SUPT3H: variants seen among roughly 807,000 people sequenced by gnomAD.
SUPT3H encodes the protein transcription initiation protein SPT3 homolog.
Under a neutral mutation model 44.3 loss-of-function variants are expected in SUPT3H, and 44 were observed. The observed-to-expected ratio is 0.99, with a 90% CI of 0.78 to 1.28. SUPT3H has a LOEUF of 1.28. Ranked by LOEUF, SUPT3H falls within the 50% of genes most tolerant of loss-of-function variation. SUPT3H has a pLI of 0.00. For missense variants in SUPT3H, 380 were observed against 387.1 expected, an observed-to-expected ratio of 0.98 and a Z score of 0.15; for synonymous variants, 124 against 125.6, an observed-to-expected ratio of 0.99 and a Z score of 0.09.
intron 2 of SUPT3H, among the ~76,000 whole-genome samples, chr6:45,255,052 G>C (rs573562492): frequency 5.9e-5 from 9 of 152,132 alleles, no homozygotes; most frequent in Non-Finnish European, 1.3e-4. Flanking sequence ...CGGCCCCAAA[G>C]CATAAGAGTA....
intron 6 of SUPT3H, among the ~76,000 whole-genome samples, chr6:44,982,982 T>C (rs774927737): frequency 1.3e-5 from 2 of 152,184 alleles, no homozygotes; most frequent in Non-Finnish European, 2.9e-5. Context: ...GGGATTCACA[T>C]AGAGGCTAAA....
chr6:45,013,751 G>C (rs1362948694), intron 5 of SUPT3H, among the ~76,000 whole-genome samples: 2 of 152,068 alleles, frequency 1.3e-5, no homozygotes, highest in Non-Finnish European at 2.9e-5. Context: ...AGGGAGATGA[G>C]AGATGCCTAC....
chr6:45,020,017 A>G (rs1057343441), intron 4 of SUPT3H, among the ~76,000 whole-genome samples: 6 of 151,992 alleles, frequency 3.9e-5, no homozygotes, highest in African/African-American at 1.4e-4. Flanking sequence ...CAGATTTCAA[A>G]GAGTAAGAAA....
intron 2 of SUPT3H, among the ~76,000 whole-genome samples, chr6:45,269,155 A>C (rs1245467998): frequency 6.6e-6 from 1 of 152,188 alleles, no homozygotes; most frequent in Non-Finnish European, 1.5e-5. Context: ...TAACGGCAAA[A>C]CATGGTAACA....
At chr6:45,291,307 G>A (rs753416764) in intron 2 of SUPT3H, among the ~76,000 whole-genome samples, 2 of 152,124 alleles carry the variant, frequency 1.3e-5, no homozygotes, top group African/African-American at 4.8e-5. Flanking sequence ...AGCCTTTAGC[G>A]CTAGACCTTT....
At chr6:45,261,415 A>G (rs1417605589) in intron 2 of SUPT3H, among the ~76,000 whole-genome samples, 1 of 152,120 alleles carries the variant, frequency 6.6e-6, no homozygotes, top group Non-Finnish European at 1.5e-5. Context: ...AGGTTGGGTC[A>G]ACATACGCAA....
intron 2 of SUPT3H, among the ~76,000 whole-genome samples, chr6:45,142,489 C>T (rs981450300): frequency 6.6e-6 from 1 of 151,932 alleles, no homozygotes; most frequent in Non-Finnish European, 1.5e-5. Flanking sequence ...GTAATTCCAG[C>T]ACTTTGGGAG....
At chr6:45,008,652 GC>G (rs2153508702) in intron 5 of SUPT3H, among the ~76,000 whole-genome samples, 1 of 152,102 alleles carries the variant, frequency 6.6e-6, no homozygotes, top group East Asian at 1.9e-4. Flanking sequence ...ACCATACTCG[GC>G]CTTGTTTTTA....
chr6:45,094,930 C>T (rs1797603687), intron 3 of SUPT3H, among the ~76,000 whole-genome samples: 1 of 152,064 alleles, frequency 6.6e-6, no homozygotes, highest in Non-Finnish European at 1.5e-5. Flanking sequence ...ACTCTGTACG[C>T]ATATGTGACC....
At chr6:45,120,194 C>T (rs1801415102) in intron 2 of SUPT3H, among the ~76,000 whole-genome samples, 1 of 151,906 alleles carries the variant, frequency 6.6e-6, no homozygotes, top group Admixed American at 6.6e-5. Context: ...CAAAAACCCT[C>T]TAACTGCTCT....
In SUPT3H at chr6:45,143,584, C is replaced by T. The variant is rs143231226; in HGVS notation, c.102-37578G>A. On this transcript the variant is annotated intron_variant, in intron 2 of 10. Coordinates refer to ENST00000371459, the MANE Select transcript of SUPT3H (RefSeq NM_003599.4). ...GAGGAAAGTTCATAGTATTAAATGC[C>T]TACATCAAATAGTCTGAAAGAGCAC... Among the ~76,000 whole-genome samples, 1,380 of 152,098 alleles carry T rather than the reference C, an allele frequency of 9.1e-3. 14 individuals are homozygous for T. The highest frequency in any genetic ancestry group is 0.028 in the South Asian group (137 of 4,818).
intron 2 of SUPT3H, among the ~76,000 whole-genome samples, chr6:45,280,929 A>G (rs960013018): frequency 9.2e-5 from 14 of 152,242 alleles, no homozygotes; most frequent in African/African-American, 2.7e-4. Flanking sequence ...TGTAATGTCC[A>G]TAAAAAACAT....
At chr6:45,270,750 A>G (rs996561989) in intron 2 of SUPT3H, among the ~76,000 whole-genome samples, 1 of 152,256 alleles carries the variant, frequency 6.6e-6, no homozygotes, top group African/African-American at 2.4e-5. Flanking sequence ...TTTGGAACTG[A>G]GTAACAGGCA....
rs112853617 is a variant in SUPT3H at position 44,860,025 on chromosome 6, G to A, written c.913-30168C>T. The stretch of plus-strand genomic sequence containing the variant: ...ATGAAGGACTTCTATTATTCTGAGA[G>A]TCCTAAAAGAGTTTATATACCATGA... On this transcript the variant is annotated intron_variant, in intron 10 of 10. Transcript: ENST00000371459. 8.9e-3 allele frequency among the ~76,000 whole-genome samples: 1,358 copies of A among 152,264 alleles called. 13 individuals are homozygous for A. The highest frequency in any genetic ancestry group is 0.025 in the South Asian group (119 of 4,816).
chr6:45,079,137 G>A (rs1411900968), intron 3 of SUPT3H, among the ~76,000 whole-genome samples: 4 of 152,046 alleles, frequency 2.6e-5, no homozygotes, highest in East Asian at 1.9e-4. Context: ...GTGAAACCCC[G>A]TCTCTACAAC....
intron 2 of SUPT3H, chr6:45,197,674 A>G (rs746432130): frequency 9.2e-6 from 3 of 327,286 alleles, no homozygotes; most frequent in Non-Finnish European, 1.9e-5. Flanking sequence ...TTTACATAAA[A>G]TAAGAAGATA....
intron 9 of SUPT3H, among the ~76,000 whole-genome samples, chr6:44,941,138 T>C (rs992444271): frequency 6.6e-6 from 1 of 151,994 alleles, no homozygotes. Flanking sequence ...AAATTCTTTG[T>C]TTCTTTTTCT....
At chr6:44,812,774 T>C (rs1174566328) in intron 11 of SUPT3H, among the ~76,000 whole-genome samples, 10 of 152,212 alleles carry the variant, frequency 6.6e-5, no homozygotes, top group Non-Finnish European at 7.3e-5. Context: ...CTGGGAATTA[T>C]GGCAGTATCA....
chr6:45,028,855 G>T (rs1786441095), intron 3 of SUPT3H, among the ~76,000 whole-genome samples: 1 of 114,810 alleles, frequency 8.7e-6, no homozygotes, highest in African/African-American at 3.5e-5. Flanking sequence ...ATGTTTATTT[G>T]CCTTTCAAAA....
Sources: gnomAD v4.1 joint callset for allele counts (sites outside exome capture counted in the v4.1 genomes callset) on GRCh38, gnomAD v4.1.1 for gene constraint, MANE v1.5 for transcripts, NCBI Gene and HGNC (gene_info 2026-07-23, HGNC 2026-07-21) for gene names.